The following ZNF536 variants were observed in gnomAD, a reference collection of about 807,000 sequenced individuals.
ZNF536 encodes zinc finger protein 536.
A neutral mutation model predicts 84.5 loss-of-function variants in ZNF536; 13 were observed. The ratio of observed to expected loss-of-function variants is 0.15; its 90% CI spans 0.10 to 0.24. The LOEUF (loss-of-function observed/expected upper bound fraction) is 0.24. Among genes scored for constraint, ZNF536 ranks in the 10% least tolerant of loss-of-function variants. ZNF536 has a pLI of 1.00. For missense variants in ZNF536, 1,536 were observed against 1,747.5 expected, an observed-to-expected ratio of 0.88 and a Z score of 2.16; for synonymous variants, 811 against 742.5, an observed-to-expected ratio of 1.09 and a Z score of -1.50.
chr19:30,632,582 G>A (rs1045326132), intron 1 of ZNF536, among the ~76,000 whole-genome samples: 12 of 152,108 alleles, frequency 7.9e-5, no homozygotes, highest in African/African-American at 2.9e-4. Context: ...CTCCAGCCTA[G>A]GCAACAGAAC....
At chr19:30,234,175 G>A (rs906527101) in intron 1 of ZNF536, among the ~76,000 whole-genome samples, 3 of 152,198 alleles carry the variant, frequency 2.0e-5, no homozygotes, top group African/African-American at 4.8e-5. Context: ...AATGATCACC[G>A]TAGGCTTGAG....
At chr19:30,500,352 A>G (rs1359334820) in intron 2 of ZNF536, among the ~76,000 whole-genome samples, 1 of 151,572 alleles carries the variant, frequency 6.6e-6, no homozygotes, top group Admixed American at 6.6e-5. Flanking sequence ...AGCAAGATGC[A>G]ATGGATGGAT....
At chr19:30,234,397 CTTTTTTTTTTT>C (rs5827694) in intron 1 of ZNF536, among the ~76,000 whole-genome samples, 17 of 82,394 alleles carry the variant, frequency 2.1e-4, no homozygotes, top group African/African-American at 7.7e-4. Flanking sequence ...AGGCTCCTTC[CTTTTTTTTTTT>C]TTTTTTTTTT....
chr19:30,712,745 A>C (rs1298309175), exon 2 of ZNF536: 2 of 152,126 alleles, frequency 1.3e-5, no homozygotes, highest in Non-Finnish European at 2.9e-5. Context: ...GCCTTACTTA[A>C]ATCGAGTTGA....
intron 1 of ZNF536, among the ~76,000 whole-genome samples, chr19:30,435,517 GTGA>G (rs1237186206): frequency 4.0e-5 from 6 of 150,262 alleles, no homozygotes; most frequent in Non-Finnish European, 1.5e-5. Context: ...GATCATTATG[GTGA>G]TGATGATGGT....
chr19:30,375,764 A>C (rs974326187), intron 1 of ZNF536, among the ~76,000 whole-genome samples: 7 of 152,050 alleles, frequency 4.6e-5, no homozygotes, highest in African/African-American at 1.4e-4. Context: ...TCGTGTTTGC[A>C]CCTCGTGTGC....
Position 30,573,003 on chromosome 19 carries a change from T to C in ZNF536, c.169+23489T>C, listed in dbSNP as rs2046605937. ...AGGCAGATGGTTGCTCAGACCCACC[T>C]GCACCAGACGCACCAGTGTGCAGAA... is the stretch of plus-strand genomic sequence containing the variant. On this transcript the variant is annotated intron_variant, in intron 1 of 1. Transcript: ENST00000592773. Among the ~76,000 whole-genome samples the C allele has an allele frequency of 3.3e-5, 5 of 152,246 alleles. No individual in the cohort carries two copies. In the South Asian group the frequency reaches 6.2e-4, roughly 19 times the overall value.
At chr19:30,567,986 T>A (rs1380159992) in intron 1 of ZNF536, among the ~76,000 whole-genome samples, 1 of 152,178 alleles carries the variant, frequency 6.6e-6, no homozygotes, top group African/African-American at 2.4e-5. Flanking sequence ...AATAAAAGGA[T>A]CATATGTGTT....
At chr19:30,569,851 G>T (rs1332839507) in intron 1 of ZNF536, among the ~76,000 whole-genome samples, 1 of 152,000 alleles carries the variant, frequency 6.6e-6, no homozygotes, top group Non-Finnish European at 1.5e-5. Context: ...GGATTACAGA[G>T]CCACTGTACC....
At chr19:30,554,191 T>A (rs1253124301) in intron 4 of ZNF536, 1 of 151,038 alleles carries the variant, frequency 6.6e-6, no homozygotes, top group East Asian at 1.9e-4. Flanking sequence ...TCTTAAAATG[T>A]GACTTATCTT....
At chr19:30,313,992 A>G (rs564777952) in intron 2 of ZNF536, among the ~76,000 whole-genome samples, 1 of 152,332 alleles carries the variant, frequency 6.6e-6, no homozygotes, top group Admixed American at 6.5e-5. Context: ...TCCCATGGCA[A>G]CTACTCCAAC....
chr19:30,486,718 A>G (rs1351922651), intron 2 of ZNF536, among the ~76,000 whole-genome samples: 2 of 152,224 alleles, frequency 1.3e-5, no homozygotes, highest in Non-Finnish European at 2.9e-5. Flanking sequence ...ATTCCCACCA[A>G]TGGTGTAAAA....
At chr19:30,455,043 CAA>C (rs1045250119) in intron 2 of ZNF536, among the ~76,000 whole-genome samples, 15 of 151,574 alleles carry the variant, frequency 9.9e-5, no homozygotes, top group Non-Finnish European at 2.2e-4. Context: ...CAAAAACAAA[CAA>C]ACAAACAAAC....
chr19:30,576,625 G>T (rs895793705), intron 1 of ZNF536, among the ~76,000 whole-genome samples: 1 of 152,188 alleles, frequency 6.6e-6, no homozygotes. Flanking sequence ...CTGGTCATGG[G>T]GACCCACTGC....
Position 30,635,656 on chromosome 19 carries a change from G to A in ZNF536, c.170-75101G>A, listed in dbSNP as rs140122417. Among the ~76,000 whole-genome samples, 78 of 152,338 alleles carry A rather than the reference G, an allele frequency of 5.1e-4. 1 individual carries two copies. In the Middle Eastern group the frequency reaches 0.014, roughly 27 times the overall value. On this transcript the variant is annotated intron_variant, in intron 1 of 1. Transcript: ENST00000592773. ...TGGGGGTGTCCTTGGTCTTGAAAGA[G>A]AGTGTTGACTTCAAAAAGCAGGGCA... is the stretch of plus-strand genomic sequence containing the variant.
intron 3 of ZNF536, among the ~76,000 whole-genome samples, chr19:30,353,893 G>A (rs888330639): frequency 2.0e-5 from 3 of 152,176 alleles, no homozygotes; most frequent in African/African-American, 7.2e-5. Context: ...TAGCATCCAT[G>A]CCTCAGGCCT....
chr19:30,236,212 C>G (rs936408027), intron 1 of ZNF536, among the ~76,000 whole-genome samples: 1 of 152,236 alleles, frequency 6.6e-6, no homozygotes, highest in African/African-American at 2.4e-5. Flanking sequence ...CTTGGCAAAG[C>G]CACTCTCTCA....
chr19:30,334,624 A>G (rs1600263161), intron 2 of ZNF536, among the ~76,000 whole-genome samples: 1 of 152,180 alleles, frequency 6.6e-6, no homozygotes, highest in East Asian at 1.9e-4. Flanking sequence ...ATATCCAAAT[A>G]CATAAGGACT....
Position 30,444,179 on chromosome 19 carries a change from C to T in ZNF536, c.617C>T (p.Ala206Val), listed in dbSNP as rs1392217674. The T allele has an allele frequency of 6.4e-7, 1 of 1,568,842 alleles. No individual in the cohort carries two copies. Among genetic ancestry groups the T allele is most frequent in the Non-Finnish European group, 8.6e-7 (1 of 1,160,238 alleles). The change falls in exon 2 of 5, where the codon GCC becomes GTC. Residue 206 changes from alanine to valine, a missense_variant. This residue lies in a region of ZNF536 where 138 missense variants were observed against 136.8 expected (regional missense o/e 1.01). Coordinates refer to ENST00000355537, the MANE Select transcript of ZNF536 (RefSeq NM_014717.3). ...CTGCTGCACGAGCTGGAGGAGCGCG[C>T]CATCCTGCGGGACAAGCAGCTGAAA... ...NRLLHELEER[A>V]ILRDKQLKGS... is the part of the protein sequence containing the mutation.
Sources: allele counts gnomAD v4.1 joint callset (sites outside exome capture counted in the v4.1 genomes callset), GRCh38; gene constraint gnomAD v4.1.1; regional missense constraint gnomAD v4.1.1; transcripts MANE v1.5; gene names NCBI Gene and HGNC (gene_info 2026-07-23, HGNC 2026-07-21).